UNC13C: variants seen among roughly 807,000 people sequenced by gnomAD.
UNC13C encodes the protein protein unc-13 homolog C.
UNC13C carries 174 observed loss-of-function variants against 245.4 expected under a neutral mutation model. The ratio of observed to expected loss-of-function variants is 0.71; its 90% CI spans 0.63 to 0.80. The LOEUF (loss-of-function observed/expected upper bound fraction) is 0.80, where lower values mean the gene tolerates loss of function less well. Among genes scored for constraint, UNC13C ranks in the 30% least tolerant of loss-of-function variants. The pLI is 0.00. For missense variants in UNC13C, 2,829 were observed against 2,602.9 expected (o/e 1.09, Z -1.89); for synonymous variants, 992 against 895.1 (o/e 1.11, Z -1.93).
chr15:54,615,254 G>C (rs1203436026), intron 30 of UNC13C, among the ~76,000 whole-genome samples: 1 of 151,984 alleles, frequency 6.6e-6, no homozygotes, highest in African/African-American at 2.4e-5. Context: ...GTACCATTCA[G>C]TTGTTATTGA....
chr15:54,541,235 C>G (rs1358349120), intron 26 of UNC13C, among the ~76,000 whole-genome samples: 2 of 152,000 alleles, frequency 1.3e-5, no homozygotes, highest in Non-Finnish European at 2.9e-5. Context: ...GTATATGCCT[C>G]TCACATGTCA....
At chr15:53,924,681 C>A in the UNC13C span, among the ~76,000 whole-genome samples, 1 of 152,122 alleles carries the variant, frequency 6.6e-6, no homozygotes, top group African/African-American at 2.4e-5. Context: ...TACAAACTGG[C>A]TTTTAGTTAG....
intron 19 of UNC13C, among the ~76,000 whole-genome samples, chr15:54,464,562 G>A (rs1324106663): frequency 6.6e-6 from 1 of 152,004 alleles, no homozygotes; most frequent in African/African-American, 2.4e-5. Flanking sequence ...TGAGTTAAAT[G>A]TATTTTTGAA....
At chr15:54,275,157 G>A (rs2036799384) in intron 10 of UNC13C, among the ~76,000 whole-genome samples, 1 of 152,080 alleles carries the variant, frequency 6.6e-6, no homozygotes, top group Admixed American at 6.5e-5. Context: ...GAATAAAAAA[G>A]CAACATGCAA....
Position 54,114,477 on chromosome 15 carries a change from C to T in UNC13C, c.2984-28541C>T, listed in dbSNP as rs187908518. ...GCTATACCGGTTGATCTACAACTTG[C>T]TTTTTTCACTCCATTTTAGATTTTT... is the stretch of plus-strand genomic sequence containing the variant. On this transcript the variant is annotated intron_variant, in intron 2 of 32. Transcript: ENST00000260323. Among the ~76,000 whole-genome samples the T allele has an allele frequency of 6.6e-5, 10 of 152,172 alleles. No homozygotes were observed. In the South Asian group the frequency reaches 8.3e-4, roughly 13 times the overall value.
At chr15:54,364,646 C>A (rs1269197857) in intron 17 of UNC13C, among the ~76,000 whole-genome samples, 2 of 152,290 alleles carry the variant, frequency 1.3e-5, no homozygotes, top group East Asian at 1.9e-4. Flanking sequence ...CAAACTCACA[C>A]AAATCTAAAT....
intron 4 of UNC13C, among the ~76,000 whole-genome samples, chr15:54,155,260 A>T (rs1376025261): frequency 6.6e-6 from 1 of 152,136 alleles, no homozygotes; most frequent in Non-Finnish European, 1.5e-5. Context: ...GCTGTTATTC[A>T]TCATCCAGCT....
intron 19 of UNC13C, among the ~76,000 whole-genome samples, chr15:54,455,251 A>C (rs1389373429): frequency 1.0e-5 from 1 of 99,678 alleles, no homozygotes; most frequent in African/African-American, 3.6e-5. Flanking sequence ...TTTTTAATCC[A>C]CTCATTGGTA....
At chr15:54,370,113 A>G (rs1378490015) in intron 17 of UNC13C, among the ~76,000 whole-genome samples, 2 of 151,958 alleles carry the variant, frequency 1.3e-5, no homozygotes, top group East Asian at 1.9e-4. Context: ...AATATTTACT[A>G]TTTTCTTAAT....
rs5812743 is a variant in UNC13C, at chr15:54,147,220, CTTTTTT to C, written c.3071+3548_3071+3553del. Reference sequence around the variant, plus strand: ...CCGAGCATCAATTTGATGAAACTACCTTTTTTTTTTTTTTTTTGAGATGGAGTCTTG... The same window carrying C: ...CCGAGCATCAATTTGATGAAACTACCTTTTTTTTTTTGAGATGGAGTCTTG... On this transcript the variant is annotated intron_variant, in intron 4 of 32. Transcript: ENST00000260323. 1.4e-3 allele frequency among the ~76,000 whole-genome samples: 180 copies of C among 130,628 alleles called. 3 individuals are homozygous for C. In the East Asian group the frequency reaches 0.024, roughly 17 times the overall value. The allele number at this position is 130,628 out of a possible 152,430, so 85.7% of individuals were successfully genotyped here.
the UNC13C span, among the ~76,000 whole-genome samples, chr15:53,959,585 C>G: frequency 2.0e-5 from 3 of 152,154 alleles, no homozygotes; most frequent in African/African-American, 7.2e-5. Flanking sequence ...CTTACCCACT[C>G]TTTTAAGACT....
chr15:54,034,052 G>A (rs1896472956), intron 2 of UNC13C, among the ~76,000 whole-genome samples: 2 of 152,184 alleles, frequency 1.3e-5, no homozygotes, highest in South Asian at 4.1e-4. Flanking sequence ...TCCATTCTGC[G>A]AGCTTTTGTT....
intron 7 of UNC13C, among the ~76,000 whole-genome samples, chr15:54,240,223 G>A (rs760008571): frequency 2.6e-5 from 4 of 152,078 alleles, no homozygotes; most frequent in Non-Finnish European, 5.9e-5. Flanking sequence ...TCTCAGATTC[G>A]TAAAGCCCAT....
chr15:54,264,038 A>G (rs1422528484), intron 8 of UNC13C, 130 bp from the exon 9 acceptor site: 4 of 865,454 alleles, frequency 4.6e-6, no homozygotes, highest in African/African-American at 3.4e-5. Context: ...ATATTTTTCT[A>G]AAAAGCCACC....
chr15:54,499,932 A>C, intron 20 of UNC13C, 147 bp from the exon 21 acceptor site: 1 of 612,808 alleles, frequency 1.6e-6, no homozygotes, highest in South Asian at 2.3e-5. Context: ...AGAACAGGTA[A>C]AGGTCTCTGA....
At chr15:53,877,323 G>A in the UNC13C span, among the ~76,000 whole-genome samples, 3 of 152,180 alleles carry the variant, frequency 2.0e-5, no homozygotes, top group East Asian at 3.9e-4. Flanking sequence ...GCCCCATCCA[G>A]CCCTTCAATG....
intron 19 of UNC13C, among the ~76,000 whole-genome samples, chr15:54,455,386 T>C (rs1024921945): frequency 6.6e-6 from 1 of 151,088 alleles, no homozygotes; most frequent in Non-Finnish European, 1.5e-5. Flanking sequence ...AGTAGACGGA[T>C]TGCTGGATCA....
intron 20 of UNC13C, 64 bp from the exon 21 acceptor site, chr15:54,500,015 C>G: frequency 8.5e-7 from 1 of 1,183,002 alleles, no homozygotes; most frequent in Non-Finnish European, 1.2e-6. Context: ...AAAAGAGCAG[C>G]ATTCCTGTTA....
At chr15:54,133,106 T>C (rs1200784503) in intron 2 of UNC13C, among the ~76,000 whole-genome samples, 1 of 152,216 alleles carries the variant, frequency 6.6e-6, no homozygotes, top group African/African-American at 2.4e-5. Context: ...AAACATTCCT[T>C]GTTTTAGTGA....
Sources: allele counts gnomAD v4.1 joint callset (sites outside exome capture counted in the v4.1 genomes callset), GRCh38; gene constraint gnomAD v4.1.1; transcripts MANE v1.5; gene names NCBI Gene and HGNC (gene_info 2026-07-23, HGNC 2026-07-21).